The following BBX variants were observed in gnomAD, a reference collection of about 807,000 sequenced individuals.
The protein encoded by BBX is BBX high mobility group box domain containing.
Under a neutral mutation model 100.2 loss-of-function variants are expected in BBX, and 30 were observed. That is an observed-to-expected ratio of 0.30 (90% CI 0.22 to 0.41). The LOEUF (loss-of-function observed/expected upper bound fraction) is 0.41, where lower values mean the gene tolerates loss of function less well. Ranked by LOEUF, BBX falls within the 10% of genes least tolerant of loss-of-function variation. The pLI is 1.00. For missense variants in BBX, 1,023 were observed against 1,129.8 expected (o/e 0.91, Z 1.35); for synonymous variants, 376 against 388.1 (o/e 0.97, Z 0.37).
At chr3:107,599,911 A>G (rs1259032339) in intron 2 of BBX, among the ~76,000 whole-genome samples, 2 of 28,570 alleles carry the variant, frequency 7.0e-5, no homozygotes, top group Non-Finnish European at 1.3e-4. Flanking sequence ...TATGAACCAC[A>G]TGACAAAGAT....
At chr3:107,735,044 C>G (rs2063551079) in intron 7 of BBX, among the ~76,000 whole-genome samples, 1 of 152,092 alleles carries the variant, frequency 6.6e-6, no homozygotes, top group Non-Finnish European at 1.5e-5. Context: ...TCTTCATATT[C>G]AGTATTTCCC....
intron 2 of BBX, among the ~76,000 whole-genome samples, chr3:107,618,350 T>C (rs1449286396): frequency 1.3e-5 from 2 of 152,066 alleles, no homozygotes; most frequent in Non-Finnish European, 2.9e-5. Flanking sequence ...ATCATCTTTG[T>C]CTGGTGTTAG....
At chr3:107,618,186 T>G (rs1416406740) in intron 2 of BBX, among the ~76,000 whole-genome samples, 1 of 152,010 alleles carries the variant, frequency 6.6e-6, no homozygotes, top group African/African-American at 2.4e-5. Flanking sequence ...CCTTGATTTT[T>G]GAATATGGAC....
chr3:107,563,101 TGTGGGAGGA>T (rs1440240237), intron 2 of BBX, among the ~76,000 whole-genome samples: 1 of 152,176 alleles, frequency 6.6e-6, no homozygotes, highest in Admixed American at 6.5e-5. Flanking sequence ...TTGCCTCCCA[TGTGGGAGGA>T]GTGCTCAGGG....
chr3:107,654,804 G>A (rs575176038), intron 3 of BBX, among the ~76,000 whole-genome samples: 4 of 152,140 alleles, frequency 2.6e-5, no homozygotes, highest in African/African-American at 9.7e-5. Context: ...CTGGGATGTG[G>A]TAAAGTTACT....
chr3:107,707,674 T>C (rs1045193551), intron 3 of BBX, among the ~76,000 whole-genome samples: 7 of 152,200 alleles, frequency 4.6e-5, no homozygotes, highest in African/African-American at 1.7e-4. Context: ...TCCAAAGTGG[T>C]ATGTGAGCTA....
At chr3:107,648,937 A>G (rs2057680835) in intron 3 of BBX, among the ~76,000 whole-genome samples, 1 of 152,224 alleles carries the variant, frequency 6.6e-6, no homozygotes, top group East Asian at 1.9e-4. Flanking sequence ...CATCTGTATT[A>G]GTCTGTTCTT....
chr3:107,751,022 A>G (rs536468010), intron 9 of BBX, among the ~76,000 whole-genome samples: 1 of 152,216 alleles, frequency 6.6e-6, no homozygotes, highest in Admixed American at 6.5e-5. Context: ...GAGAATTTGC[A>G]TTTTGAACAA....
At chr3:107,596,524 T>C (rs2053678161) in intron 2 of BBX, among the ~76,000 whole-genome samples, 1 of 152,142 alleles carries the variant, frequency 6.6e-6, no homozygotes, top group South Asian at 2.1e-4. Flanking sequence ...TTATGTGAGA[T>C]AGGCTAAGCT....
At chr3:107,789,487 CT>C (rs1198340989) in intron 13 of BBX, among the ~76,000 whole-genome samples, 1 of 152,160 alleles carries the variant, frequency 6.6e-6, no homozygotes, top group Non-Finnish European at 1.5e-5. Flanking sequence ...ACTCTAGCCA[CT>C]TTGCTGTTAT....
At chr3:107,738,548 CAG>C (rs1386554833) in intron 7 of BBX, among the ~76,000 whole-genome samples, 1 of 152,120 alleles carries the variant, frequency 6.6e-6, no homozygotes, top group Admixed American at 6.5e-5. Flanking sequence ...GGTGAGGAAA[CAG>C]AGGCAGAGAA....
At chr3:107,731,642 T>G (rs2063321015) in intron 6 of BBX, among the ~76,000 whole-genome samples, 1 of 152,066 alleles carries the variant, frequency 6.6e-6, no homozygotes, top group South Asian at 2.1e-4. Context: ...GGTAACATAG[T>G]TTTTCCTCTA....
In BBX at chr3:107,809,701, G is replaced by A. The variant is rs562251864; in HGVS notation, c.*4244G>A. On this transcript the variant is annotated 3_prime_UTR_variant, in exon 18 of 18. Coordinates refer to ENST00000325805, the MANE Select transcript of BBX (RefSeq NM_001142568.3). ...AAAATGGGCAGTAGAAGCAAATGCT[G>A]TTGTTACATTTGACCTATAAAGTAT... 1.3e-5 allele frequency: 2 copies of A among 152,354 alleles called. No individual in the cohort carries two copies. The highest frequency in any genetic ancestry group is 4.1e-4 in the South Asian group (2 of 4,832). The allele number at this position is 152,354 out of a possible 1,614,324, so 9.4% of individuals were successfully genotyped here. A position where few individuals can be genotyped will look rare whatever the true frequency, so the allele number is the denominator to read the frequency against.
chr3:107,693,528 T>C (rs944048842), intron 3 of BBX, among the ~76,000 whole-genome samples: 17 of 151,590 alleles, frequency 1.1e-4, no homozygotes, highest in South Asian at 8.3e-4. Flanking sequence ...GCGTTATTTC[T>C]GAGGGCTCTG....
At position 107,716,654 on chromosome 3, in the gene BBX, T is replaced by C; in HGVS notation, c.210T>C (p.Thr70=). 6.2e-7 allele frequency: 1 copy of C among 1,613,820 alleles called. No individual in the cohort carries two copies. Among genetic ancestry groups the C allele is most frequent in the South Asian group, 1.1e-5 (1 of 91,082 alleles). ...GCCTAGAGCAAGATGTTGGTGAAAC[T>C]GAAGATGATGAATCACCAGAGCAGC... is the stretch of plus-strand genomic sequence containing the variant. ...ADGLEQDVGE[T]EDDESPEQRA... Residue 70 remains threonine (T), a synonymous_variant, in exon 5 of 18, where the codon ACT becomes ACC. Transcript: ENST00000325805.
chr3:107,576,493 A>G (rs137861214), intron 2 of BBX, among the ~76,000 whole-genome samples: 2 of 152,192 alleles, frequency 1.3e-5, no homozygotes, highest in East Asian at 3.9e-4. Flanking sequence ...TCTCATTTTC[A>G]GTTTTGCCTT....
rs568316608 is a variant in BBX, at chr3:107,617,153, C to T, written c.-83-28683C>T. Among the ~76,000 whole-genome samples, 4 of 152,112 alleles carry T rather than the reference C, an allele frequency of 2.6e-5. No individual in the cohort carries two copies. The South Asian group carries it at 8.3e-4, about 32-fold the overall frequency. ...CAGTTTGTGTGAAAAGGCTATCCTT[C>T]CTCCATTGAATTGCTTTTGGACCTG... On this transcript the variant is annotated intron_variant, in intron 2 of 17. Transcript: ENST00000325805.
intron 2 of BBX, among the ~76,000 whole-genome samples, chr3:107,576,751 T>A (rs922792437): frequency 6.6e-6 from 1 of 152,212 alleles, no homozygotes; most frequent in Non-Finnish European, 1.5e-5. Context: ...GATTTTTGTT[T>A]TAACATTAGG....
chr3:107,734,858 CTG>C (rs1290856511), intron 7 of BBX, among the ~76,000 whole-genome samples: 1 of 152,066 alleles, frequency 6.6e-6, no homozygotes, highest in African/African-American at 2.4e-5. Context: ...CAACTCAATA[CTG>C]TGGTGGACCC....
Sources: allele counts gnomAD v4.1 joint callset (sites outside exome capture counted in the v4.1 genomes callset), GRCh38; gene constraint gnomAD v4.1.1; transcripts MANE v1.5; gene names NCBI Gene and HGNC (gene_info 2026-07-23, HGNC 2026-07-21).